Variants in TMEM165 observed in about 807,000 individuals in gnomAD.
The protein encoded by TMEM165 is putative divalent cation/proton antiporter TMEM165.
Under a neutral mutation model 30.0 loss-of-function variants are expected in TMEM165, and 19 were observed. That is an observed-to-expected ratio of 0.63 (90% CI 0.44 to 0.93). The LOEUF (loss-of-function observed/expected upper bound fraction) is 0.93. Among genes scored for constraint, TMEM165 ranks in the 40% least tolerant of loss-of-function variants. The pLI, the probability that TMEM165 is intolerant of heterozygous loss-of-function variation, is 0.00. For synonymous variants in TMEM165, 168 were observed against 162.9 expected, an observed-to-expected ratio of 1.03 and a Z score of -0.24; for missense variants, 340 against 417.0, an observed-to-expected ratio of 0.82 and a Z score of 1.61.
chr4:55,425,001 T>A (rs1722135423), intron 5 of TMEM165, among the ~76,000 whole-genome samples: 2 of 152,236 alleles, frequency 1.3e-5, no homozygotes, highest in South Asian at 4.1e-4. Context: ...ATATGTCCTG[T>A]GAAGCCACAG....
exon 4 of TMEM165, chr4:55,453,225 G>A: frequency 1.0e-6 from 1 of 993,274 alleles, no homozygotes; most frequent in Non-Finnish European, 1.6e-6. Context: ...TGTCTCATCT[G>A]TTCATCTAGA....
At chr4:55,450,663 G>A (rs891822972) in intron 3 of TMEM165, among the ~76,000 whole-genome samples, 10 of 152,062 alleles carry the variant, frequency 6.6e-5, no homozygotes, top group African/African-American at 1.9e-4. Flanking sequence ...CAGCTACTCC[G>A]GCGGCTGAGG....
downstream of TMEM165, among the ~76,000 whole-genome samples, chr4:55,427,509 A>AT (rs1316449304): frequency 1.3e-5 from 2 of 149,332 alleles, no homozygotes; most frequent in Non-Finnish European, 3.0e-5. Context: ...CGCCTGGCTA[A>AT]TTTTTTTGTA....
chr4:55,442,513 A>G (rs1163768666), intron 3 of TMEM165: 4 of 1,609,492 alleles, frequency 2.5e-6, no homozygotes, highest in Admixed American at 3.4e-5. Flanking sequence ...AATCTGGACC[A>G]TGCTTCCGGC....
intron 3 of TMEM165, chr4:55,435,018 A>C (rs1413039058): frequency 6.1e-5 from 16 of 263,440 alleles, no homozygotes; most frequent in Non-Finnish European, 1.1e-4. Flanking sequence ...AACCCCTGAC[A>C]TGGCAGTGGT....
At chr4:55,397,613 A>C (rs901506569) in intron 1 of TMEM165, among the ~76,000 whole-genome samples, 3 of 151,948 alleles carry the variant, frequency 2.0e-5, no homozygotes, top group African/African-American at 7.3e-5. Flanking sequence ...AGGGTGATTT[A>C]TCTGACCCTT....
chr4:55,435,307 G>A, intron 3 of TMEM165: 1 of 1,277,876 alleles, frequency 7.8e-7, no homozygotes, highest in Non-Finnish European at 1.1e-6. Context: ...ACTCAATACT[G>A]CATCTCATGA....
chr4:55,418,332 G>A (rs1721823878), intron 4 of TMEM165, among the ~76,000 whole-genome samples: 1 of 151,862 alleles, frequency 6.6e-6, no homozygotes, highest in Non-Finnish European at 1.5e-5. Context: ...ATTATTGAAG[G>A]CCATTTTGGT....
At chr4:55,440,039 AAAAC>A (rs1723228100) in intron 3 of TMEM165, among the ~76,000 whole-genome samples, 2 of 152,200 alleles carry the variant, frequency 1.3e-5, no homozygotes, top group African/African-American at 4.8e-5. Flanking sequence ...TCTATAAAAA[AAAAC>A]CTTTTTCTTT....
intron 4 of TMEM165, among the ~76,000 whole-genome samples, chr4:55,422,458 A>G (rs1177661912): frequency 1.3e-5 from 2 of 152,012 alleles, no homozygotes; most frequent in Non-Finnish European, 2.9e-5. Context: ...GGGTTTCACC[A>G]TGTTGTCCAG....
At chr4:55,426,217 T>A (rs1026559557), downstream of TMEM165, 2 of 152,234 alleles carry the variant, frequency 1.3e-5, no homozygotes, top group Non-Finnish European at 2.9e-5. Context: ...TCAGTATTGA[T>A]AGGCCAATTT....
At chr4:55,420,482 C>G (rs2109558487) in intron 4 of TMEM165, among the ~76,000 whole-genome samples, 1 of 151,964 alleles carries the variant, frequency 6.6e-6, no homozygotes, top group African/African-American at 2.4e-5. Flanking sequence ...TTTTCTCATC[C>G]AAAAATGGGG....
intron 3 of TMEM165, among the ~76,000 whole-genome samples, chr4:55,446,466 C>G (rs17777927): frequency 0.04 from 6,052 of 152,210 alleles, 167 homozygotes; most frequent in South Asian, 0.15. Flanking sequence ...TCTATGTGTA[C>G]ATGAGTAGAA....
At chr4:55,402,328 ATACTT>A (rs1402828976) in intron 1 of TMEM165, among the ~76,000 whole-genome samples, 3 of 142,928 alleles carry the variant, frequency 2.1e-5, no homozygotes, top group African/African-American at 5.4e-5. Context: ...GAAAATTAAA[ATACTT>A]TAATGTTATC....
chr4:55,436,459 A>G (rs1722883014), intron 3 of TMEM165, among the ~76,000 whole-genome samples: 1 of 152,214 alleles, frequency 6.6e-6, no homozygotes, highest in Non-Finnish European at 1.5e-5. Flanking sequence ...AAACTCTCAG[A>G]TACAAAAAAA....
At chr4:55,414,270 A>C (rs1721637547) in intron 2 of TMEM165, among the ~76,000 whole-genome samples, 1 of 109,030 alleles carries the variant, frequency 9.2e-6, no homozygotes, top group Admixed American at 1.1e-4. Flanking sequence ...ACTCCGTCTC[A>C]AAAAAAAAAA....
At chr4:55,420,543 T>G (rs1165346874) in intron 4 of TMEM165, among the ~76,000 whole-genome samples, 1 of 152,048 alleles carries the variant, frequency 6.6e-6, no homozygotes. Flanking sequence ...ACGCAGGGTA[T>G]CTAGCATGGT....
chr4:55,401,063 G>T (rs1310493580), intron 1 of TMEM165, among the ~76,000 whole-genome samples: 2 of 150,578 alleles, frequency 1.3e-5, no homozygotes, highest in South Asian at 2.1e-4. Context: ...GAAAATGGAG[G>T]GGGGAAGCAT....
rs146548353 is a variant in TMEM165 at position 55,435,559 on chromosome 4, T to C, written c.408+10916T>C. ...GAGGAAATGCAGCAGAGAGAATGAG[T>C]TGAGTTGAGGGATTCCCATGGAGCA... On this transcript the variant is annotated intron_variant, in intron 3 of 3. Transcript: ENST00000608091. 1.9e-6 allele frequency: 3 copies of C among 1,613,750 alleles called. No individual in the cohort carries two copies. In the South Asian group the frequency reaches 3.3e-5, roughly 18 times the overall value.
Sources: allele counts gnomAD v4.1 joint callset (sites outside exome capture counted in the v4.1 genomes callset), GRCh38; gene constraint gnomAD v4.1.1; transcripts MANE v1.5; gene names NCBI Gene and HGNC (gene_info 2026-07-23, HGNC 2026-07-21).